Variants in DIMT1 observed in about 807,000 individuals in gnomAD.
DIMT1 encodes DIM1 rRNA methyltransferase and ribosome maturation factor, also known as dimethyladenosine transferase.
Under a neutral mutation model 43.2 loss-of-function variants are expected in DIMT1, and 36 were observed. The observed-to-expected ratio is 0.83, with a 90% CI of 0.64 to 1.10. The LOEUF (loss-of-function observed/expected upper bound fraction) is 1.10, where lower values mean the gene tolerates loss of function less well. Among genes scored for constraint, DIMT1 ranks in the 50% least tolerant of loss-of-function variants. DIMT1 has a pLI of 0.00. For synonymous variants in DIMT1, 126 were observed against 130.3 expected, an observed-to-expected ratio of 0.97 and a Z score of 0.22; for missense variants, 341 against 385.3, an observed-to-expected ratio of 0.88 and a Z score of 0.96.
At chr5:62,389,484 T>C (rs1580117259) in intron 11 of DIMT1, among the ~76,000 whole-genome samples, 2 of 39,868 alleles carry the variant, frequency 5.0e-5, no homozygotes, top group Non-Finnish European at 8.6e-5. Context: ...AGACTCTGTC[T>C]CAAAAAAAAA....
intron 10 of DIMT1, chr5:62,391,853 T>C: frequency 2.0e-6 from 3 of 1,480,920 alleles, no homozygotes; most frequent in South Asian, 1.3e-5. Flanking sequence ...TTATTTTAAG[T>C]TGTGCAAGCT....
chr5:62,391,966 G>A (rs776019268), intron 10 of DIMT1: 19 of 1,538,160 alleles, frequency 1.2e-5, no homozygotes, highest in Non-Finnish European at 1.5e-5. Flanking sequence ...AGTAATCAAA[G>A]TTGCTCATAT....
chr5:62,396,158 T>C (rs1310397399), intron 6 of DIMT1, among the ~76,000 whole-genome samples: 4 of 150,632 alleles, frequency 2.7e-5, no homozygotes, highest in African/African-American at 7.3e-5. Context: ...TTTTACATTA[T>C]TAACTGAAGA....
At chr5:62,391,626 G>C (rs1326543685) in intron 10 of DIMT1, 4 of 976,024 alleles carry the variant, frequency 4.1e-6, no homozygotes, top group East Asian at 7.2e-5. Flanking sequence ...TTCTCTCTCT[G>C]TTCTAATTAA....
chr5:62,392,420 T>C lies in DIMT1; in HGVS notation c.729-186A>G, dbSNP rs566689559. ...AAAAGTTGTTGAATATTTAAACTTA[T>C]GAAGCAAACACTAAATATATTTAAA... On this transcript the variant is annotated intron_variant, in intron 9 of 11. Coordinates refer to ENST00000199320, the MANE Select transcript of DIMT1 (RefSeq NM_014473.4). 6.4e-4 allele frequency among the ~76,000 whole-genome samples: 98 copies of C among 152,282 alleles called. 1 individual carries two copies. Among genetic ancestry groups the C allele is most frequent in the African/African-American group, 2.2e-3 (92 of 41,570 alleles).
chr5:62,398,807 T>C lies in DIMT1; in HGVS notation c.302+13A>G. 1 of 1,614,066 alleles carries C rather than the reference T, an allele frequency of 6.2e-7. No homozygotes were observed. Among genetic ancestry groups the C allele is most frequent in the East Asian group, 2.2e-5 (1 of 44,884 alleles). On this transcript the variant is annotated intron_variant, in intron 4 of 11. Coordinates refer to ENST00000199320, the MANE Select transcript of DIMT1 (RefSeq NM_014473.4). The stretch of plus-strand genomic sequence containing the variant: ...AGATTGAAATGCACTTTAATTCTAT[T>C]ATGTATACTCACGTGCCCTGAACTC...
chr5:62,401,034 A>G (rs1295563733), intron 3 of DIMT1, among the ~76,000 whole-genome samples: 2 of 152,106 alleles, frequency 1.3e-5, no homozygotes, highest in Non-Finnish European at 2.9e-5. Context: ...TACAGGTGTG[A>G]GCCACCATGA....
At chr5:62,390,682 TAAAGAA>T (rs915827426) in intron 11 of DIMT1, among the ~76,000 whole-genome samples, 188 bp downstream of exon 11, 1 of 152,172 alleles carries the variant, frequency 6.6e-6, no homozygotes, top group African/African-American at 2.4e-5. Flanking sequence ...CTACTGTTCT[TAAAGAA>T]AATGTTCATT....
chr5:62,390,747 G>C, intron 11 of DIMT1, 129 bp downstream of exon 11: 3 of 718,212 alleles, frequency 4.2e-6, no homozygotes, highest in Non-Finnish European at 7.3e-6. Context: ...ACTATTCCAT[G>C]CCATGGAAGT....
chr5:62,398,624 TC>T, intron 5 of DIMT1, 21 bp downstream of exon 5: 3 of 1,613,946 alleles, frequency 1.9e-6, no homozygotes, highest in Non-Finnish European at 2.5e-6. Flanking sequence ...AGTATGATGT[TC>T]CTGAAAATGT....
At chr5:62,393,105 A>G in intron 8 of DIMT1, 115 bp from the exon 9 acceptor site, 2 of 584,566 alleles carry the variant, frequency 3.4e-6, no homozygotes, top group Middle Eastern at 3.6e-4. Context: ...TTCTGAAGTG[A>G]AGAAAATGTT....
At chr5:62,397,734 C>T (rs1165874151) in intron 6 of DIMT1, among the ~76,000 whole-genome samples, 2 of 151,994 alleles carry the variant, frequency 1.3e-5, no homozygotes, top group Admixed American at 1.3e-4. Context: ...CTGCAAGCTC[C>T]GCCTCCCGGG....
chr5:62,402,881 C>G (rs1412562534), intron 2 of DIMT1, among the ~76,000 whole-genome samples: 1 of 152,072 alleles, frequency 6.6e-6, no homozygotes, highest in Non-Finnish European at 1.5e-5. Context: ...TAGCATACAC[C>G]AAATAATTTA....
rs779509736 is a variant in DIMT1 at position 62,403,388 on chromosome 5, T to C, written c.80-42A>G. 16 of 1,576,756 alleles carry C rather than the reference T, an allele frequency of 1.0e-5. No homozygotes were observed. In the South Asian group the frequency reaches 1.7e-4, roughly 16 times the overall value. ...AACAGCATTAATTTTCCTACTGAGA[T>C]TAGATATTAGGCAGTACCAGAGAAG... On this transcript the variant is annotated intron_variant, in intron 1 of 11. Coordinates refer to ENST00000199320, the MANE Select transcript of DIMT1 (RefSeq NM_014473.4).
intron 2 of DIMT1, among the ~76,000 whole-genome samples, chr5:62,402,714 G>A (rs1327377075): frequency 1.3e-5 from 2 of 152,084 alleles, no homozygotes; most frequent in Non-Finnish European, 2.9e-5. Flanking sequence ...ACTATGTAAT[G>A]CTCTTTCTAC....
chr5:62,403,446 C>A, intron 1 of DIMT1, 100 bp from the exon 2 acceptor site: 5 of 1,172,144 alleles, frequency 4.3e-6, no homozygotes, highest in African/African-American at 1.5e-5. Flanking sequence ...GATTTCTGCG[C>A]CAACCAGGGC....
At chr5:62,397,457 A>G (rs1363019025) in intron 6 of DIMT1, among the ~76,000 whole-genome samples, 1 of 152,208 alleles carries the variant, frequency 6.6e-6, no homozygotes, top group Non-Finnish European at 1.5e-5. Context: ...TGTGATGTCT[A>G]TGGTGTTGGC....
At chr5:62,392,775 C>CT (rs1405130295) in intron 9 of DIMT1, 151 bp downstream of exon 9, 1 of 476,022 alleles carries the variant, frequency 2.1e-6, no homozygotes, top group Non-Finnish European at 3.7e-6. Flanking sequence ...GCTTTAGAGC[C>CT]TCCCAAGCTC....
chr5:62,393,063 TTG>T (rs1742363435), intron 8 of DIMT1, 73 bp from the exon 9 acceptor site: 2 of 1,023,046 alleles, frequency 2.0e-6, no homozygotes, highest in South Asian at 2.8e-5. Flanking sequence ...AGGTATTATT[TTG>T]TCTTTTAATA....
Sources: allele counts gnomAD v4.1 joint callset (sites outside exome capture counted in the v4.1 genomes callset), GRCh38; gene constraint gnomAD v4.1.1; transcripts MANE v1.5; gene names NCBI Gene and HGNC (gene_info 2026-07-23, HGNC 2026-07-21).